The following AFG2A variants were observed in gnomAD, a reference collection of about 807,000 sequenced individuals.
AFG2A encodes ATPase family gene 2 protein homolog A.
At chr4:123,072,303 G>A in the AFG2A span, among the ~76,000 whole-genome samples, 119 of 152,224 alleles carry the variant, frequency 7.8e-4, 1 homozygote, top group African/African-American at 2.8e-3. Flanking sequence ...TGGGAAGTAG[G>A]TATTCAATGA....
At chr4:123,264,521 C>T in the AFG2A span, among the ~76,000 whole-genome samples, 1 of 152,144 alleles carries the variant, frequency 6.6e-6, no homozygotes, top group Non-Finnish European at 1.5e-5. Context: ...GACAAAAGCA[C>T]AATCTCTGCA....
the AFG2A span, among the ~76,000 whole-genome samples, chr4:123,226,106 T>G: frequency 1.3e-5 from 2 of 152,220 alleles, no homozygotes; most frequent in Non-Finnish European, 2.9e-5. Flanking sequence ...TTAAGGAGAC[T>G]TTGGGCTGAG....
At chr4:123,004,974 C>T in the AFG2A span, among the ~76,000 whole-genome samples, 21 of 151,932 alleles carry the variant, frequency 1.4e-4, no homozygotes, top group Non-Finnish European at 2.9e-4. Context: ...TCTGTTTCAC[C>T]TAAGTTGTTG....
the AFG2A span, among the ~76,000 whole-genome samples, chr4:123,200,069 A>G: frequency 3.9e-5 from 6 of 152,086 alleles, no homozygotes; most frequent in African/African-American, 1.4e-4. Context: ...GCCCTTACAT[A>G]TTTTTTGTTT....
the AFG2A span, among the ~76,000 whole-genome samples, chr4:123,309,330 G>A: frequency 6.6e-6 from 1 of 152,170 alleles, no homozygotes; most frequent in Non-Finnish European, 1.5e-5. Flanking sequence ...TCTGGTGAGG[G>A]CCTATTCCTC....
chr4:123,278,530 T>C, the AFG2A span, among the ~76,000 whole-genome samples: 3 of 152,180 alleles, frequency 2.0e-5, no homozygotes, highest in Non-Finnish European at 4.4e-5. Flanking sequence ...CTCTATTTCT[T>C]CTGGTTGTGA....
chr4:123,241,219 A>T, the AFG2A span, among the ~76,000 whole-genome samples: 2 of 152,260 alleles, frequency 1.3e-5, no homozygotes, highest in African/African-American at 4.8e-5. Flanking sequence ...AGGAGCTGTT[A>T]CCATTCCTTC....
At chr4:123,016,243 G>A in the AFG2A span, among the ~76,000 whole-genome samples, 10 of 150,024 alleles carry the variant, frequency 6.7e-5, no homozygotes, top group Middle Eastern at 3.4e-3. Context: ...CGGACGGGGC[G>A]GCTGGCCGGG....
At chr4:123,012,142 GC>G in the AFG2A span, among the ~76,000 whole-genome samples, 1 of 139,114 alleles carries the variant, frequency 7.2e-6, no homozygotes, top group Non-Finnish European at 1.5e-5. Flanking sequence ...GGGGATGCTT[GC>G]CCCCCAGGAA....
At chr4:123,182,288 G>A in the AFG2A span, among the ~76,000 whole-genome samples, 1 of 152,026 alleles carries the variant, frequency 6.6e-6, no homozygotes, top group African/African-American at 2.4e-5. Flanking sequence ...AACTAGTAAG[G>A]CCAATAATTC....
the AFG2A span, among the ~76,000 whole-genome samples, chr4:123,052,357 G>A: frequency 6.6e-6 from 1 of 152,124 alleles, no homozygotes; most frequent in East Asian, 1.9e-4. Context: ...GATTCCGTCT[G>A]TTTTCTTGAA....
the AFG2A span, among the ~76,000 whole-genome samples, chr4:123,190,685 T>C: frequency 6.6e-6 from 1 of 152,244 alleles, no homozygotes; most frequent in African/African-American, 2.4e-5. Context: ...GATTAGGTGC[T>C]ACTATGGGGT....
At chr4:123,302,320 G>GT in the AFG2A span, among the ~76,000 whole-genome samples, 2,819 of 152,180 alleles carry the variant, frequency 0.019, 95 homozygotes, top group African/African-American at 0.063. Flanking sequence ...CCAAAGTGTG[G>GT]TGCCTCTTCC....
chr4:123,244,391 TC>T, the AFG2A span, among the ~76,000 whole-genome samples: 1 of 152,246 alleles, frequency 6.6e-6, no homozygotes, highest in African/African-American at 2.4e-5. Flanking sequence ...AACACGCTGT[TC>T]CTCTCAGAGG....
At chr4:122,974,344 C>G in the AFG2A span, among the ~76,000 whole-genome samples, 4 of 151,994 alleles carry the variant, frequency 2.6e-5, no homozygotes, top group Non-Finnish European at 5.9e-5. Context: ...TGTATCTGGT[C>G]CAAATTAGAA....
At chr4:123,159,273 G>A in the AFG2A span, among the ~76,000 whole-genome samples, 1 of 152,048 alleles carries the variant, frequency 6.6e-6, no homozygotes, top group Middle Eastern at 3.2e-3. Flanking sequence ...TGATGCTTTT[G>A]GAAGCTAACA....
the AFG2A span, among the ~76,000 whole-genome samples, chr4:123,152,641 C>CT: frequency 6.6e-6 from 1 of 152,250 alleles, no homozygotes; most frequent in Non-Finnish European, 1.5e-5. Flanking sequence ...GCATCAAGAA[C>CT]TTTCATTCAC....
chr4:122,958,498 T>TC, the AFG2A span, among the ~76,000 whole-genome samples: 1 of 152,174 alleles, frequency 6.6e-6, no homozygotes, highest in Non-Finnish European at 1.5e-5. Context: ...TATTTATTCT[T>TC]CCCCACGGAA....
At chr4:123,265,280 C>T in the AFG2A span, among the ~76,000 whole-genome samples, 4 of 152,090 alleles carry the variant, frequency 2.6e-5, no homozygotes, top group African/African-American at 9.6e-5. Flanking sequence ...GGATAAAAAG[C>T]GTTATAGAAT....
Sources: gnomAD v4.1 joint callset for allele counts (sites outside exome capture counted in the v4.1 genomes callset) on GRCh38, gnomAD v4.1.1 for gene constraint, MANE v1.5 for transcripts, NCBI Gene and HGNC (gene_info 2026-07-23, HGNC 2026-07-21) for gene names.